NBEA: variants seen among roughly 807,000 people sequenced by gnomAD.
The protein encoded by NBEA is lysosomal-trafficking regulator 2.
NBEA carries 44 observed loss-of-function variants against 343.4 expected under a neutral mutation model. The ratio of observed to expected loss-of-function variants is 0.13; its 90% CI spans 0.10 to 0.16. NBEA has a LOEUF of 0.16. Among genes scored for constraint, NBEA ranks in the 10% least tolerant of loss-of-function variants. The probability of loss-of-function intolerance (pLI) is 1.00; values close to 1 mark genes in which losing one functional copy is unlikely to be tolerated. For synonymous variants in NBEA, 1,175 were observed against 1,238.7 expected (o/e 0.95, Z 1.08); for missense variants, 2,555 against 3,631.3 (o/e 0.70, Z 7.62).
intron 48 of NBEA, among the ~76,000 whole-genome samples, chr13:35,609,820 T>C (rs1174401100): frequency 1.3e-5 from 2 of 152,088 alleles, no homozygotes; most frequent in Admixed American, 6.6e-5. Context: ...CTTCTCCAGA[T>C]AGAGAAAGCC....
intron 34 of NBEA, among the ~76,000 whole-genome samples, chr13:35,286,501 C>T (rs1238057246): frequency 6.6e-6 from 1 of 152,044 alleles, no homozygotes; most frequent in Non-Finnish European, 1.5e-5. Context: ...CATCTCCCAC[C>T]ATGAGGAACA....
chr13:35,639,616 A>G lies in NBEA; in HGVS notation c.7618-6253A>G, dbSNP rs1326296522. 2.0e-5 allele frequency among the ~76,000 whole-genome samples: 3 copies of G among 152,292 alleles called. No individual in the cohort carries two copies. The East Asian group carries it at 5.8e-4, about 29-fold the overall frequency. On this transcript the variant is annotated intron_variant, in intron 49 of 58. Transcript: ENST00000379939. ...ATTAAAAGCCTTGTAAGTAAGAGCT[A>G]TACAGTGAGATAAACAAAATGCTAA...
chr13:35,513,301 AATT>A (rs1402848733), intron 41 of NBEA, among the ~76,000 whole-genome samples: 10 of 117,302 alleles, frequency 8.5e-5, no homozygotes, highest in African/African-American at 3.2e-4. Context: ...CACACCTGGC[AATT>A]TTTTTTTTTT....
At chr13:35,134,897 A>G (rs964385803) in intron 17 of NBEA, among the ~76,000 whole-genome samples, 1 of 152,038 alleles carries the variant, frequency 6.6e-6, no homozygotes, top group Non-Finnish European at 1.5e-5. Flanking sequence ...AAATTATAGG[A>G]CAGATTATAA....
intron 18 of NBEA, among the ~76,000 whole-genome samples, chr13:35,154,719 TCTTTC>T (rs2069034913): frequency 6.6e-6 from 1 of 152,214 alleles, no homozygotes; most frequent in African/African-American, 2.4e-5. Context: ...TAGAATTTTC[TCTTTC>T]CTTTATTTGG....
intron 1 of NBEA, among the ~76,000 whole-genome samples, chr13:34,971,869 G>C (rs1014461781): frequency 6.6e-6 from 1 of 151,630 alleles, no homozygotes; most frequent in Non-Finnish European, 1.5e-5. Flanking sequence ...AATGACTTAG[G>C]GAGGAGTCCC....
At chr13:35,269,375 A>G (rs1283340923) in intron 34 of NBEA, among the ~76,000 whole-genome samples, 2 of 152,214 alleles carry the variant, frequency 1.3e-5, no homozygotes, top group Non-Finnish European at 2.9e-5. Flanking sequence ...ATTTGACAGT[A>G]AAAGACCAAG....
chr13:35,520,647 A>G (rs2077668009), intron 41 of NBEA, among the ~76,000 whole-genome samples: 1 of 152,128 alleles, frequency 6.6e-6, no homozygotes, highest in Non-Finnish European at 1.5e-5. Context: ...TTTTCCAACT[A>G]GCTTCAGGAA....
At chr13:35,564,220 CAGAA>C (rs1307662185) in intron 44 of NBEA, among the ~76,000 whole-genome samples, 1 of 151,888 alleles carries the variant, frequency 6.6e-6, no homozygotes, top group African/African-American at 2.4e-5. Context: ...AAAACTTCAT[CAGAA>C]ATTATTTTAA....
At chr13:35,305,973 C>T (rs1361414458) in intron 35 of NBEA, among the ~76,000 whole-genome samples, 3 of 152,108 alleles carry the variant, frequency 2.0e-5, no homozygotes, top group African/African-American at 7.2e-5. Context: ...GTTAAACTCT[C>T]ATATTGAAAA....
chr13:35,634,900 G>A (rs1339647690), intron 49 of NBEA, among the ~76,000 whole-genome samples: 1 of 152,032 alleles, frequency 6.6e-6, no homozygotes, highest in African/African-American at 2.4e-5. Context: ...ATAGGAAGTA[G>A]GCTAGATTAC....
intron 49 of NBEA, among the ~76,000 whole-genome samples, chr13:35,632,112 T>C (rs74042807): frequency 0.021 from 3,134 of 152,292 alleles, 116 homozygotes; most frequent in African/African-American, 0.07. Context: ...ATAGATGAGC[T>C]GTACTATTTG....
intron 49 of NBEA, among the ~76,000 whole-genome samples, chr13:35,632,870 A>G (rs1037737482): frequency 2.8e-4 from 43 of 152,172 alleles, no homozygotes; most frequent in Admixed American, 2.6e-3. Context: ...CTGGGATTAC[A>G]GGCATGAGCC....
chr13:34,972,305 C>T (rs1007545739), intron 1 of NBEA, among the ~76,000 whole-genome samples: 1 of 151,838 alleles, frequency 6.6e-6, no homozygotes. Context: ...TCCAATGAAT[C>T]GTTTTTCATG....
intron 53 of NBEA, 36 bp downstream of exon 53, chr13:35,651,912 C>A (rs1197278874): frequency 1.8e-6 from 2 of 1,107,354 alleles, no homozygotes; most frequent in Non-Finnish European, 2.7e-6. Flanking sequence ...TTCATGGATA[C>A]TATCCATATA....
intron 38 of NBEA, among the ~76,000 whole-genome samples, chr13:35,403,643 A>G (rs1000798090): frequency 4.6e-5 from 7 of 152,144 alleles, no homozygotes; most frequent in South Asian, 4.1e-4. Context: ...ACCTAAAACC[A>G]TAAAGTCCCT....
intron 40 of NBEA, 122 bp from the exon 41 acceptor site, chr13:35,472,278 C>A: frequency 9.8e-7 from 1 of 1,015,722 alleles, no homozygotes; most frequent in Non-Finnish European, 1.4e-6. Context: ...GAGTTTGCCG[C>A]ATAATACAGG....
intron 1 of NBEA, among the ~76,000 whole-genome samples, chr13:34,999,477 A>T (rs1350442433): frequency 1.3e-5 from 2 of 152,084 alleles, no homozygotes; most frequent in Non-Finnish European, 2.9e-5. Flanking sequence ...GACATTCTCC[A>T]GGTATTTTGC....
At chr13:35,547,614 G>A (rs967099647) in intron 41 of NBEA, among the ~76,000 whole-genome samples, 9 of 152,146 alleles carry the variant, frequency 5.9e-5, no homozygotes, top group African/African-American at 1.7e-4. Context: ...TTGGCCAGGC[G>A]TGGTGGCTCA....
Sources: allele counts gnomAD v4.1 joint callset (sites outside exome capture counted in the v4.1 genomes callset), GRCh38; gene constraint gnomAD v4.1.1; transcripts MANE v1.5; gene names NCBI Gene and HGNC (gene_info 2026-07-23, HGNC 2026-07-21).